Variants in TTC7A observed in about 807,000 individuals in gnomAD.
TTC7A encodes tetratricopeptide repeat protein 7A.
In TTC7A, 110 loss-of-function variants were observed where a neutral mutation model predicts 103.7. That is an observed-to-expected ratio of 1.06 (90% CI 0.91 to 1.24). The LOEUF (loss-of-function observed/expected upper bound fraction) is 1.24, where lower values mean the gene tolerates loss of function less well. Ranked by LOEUF, TTC7A falls within the 50% of genes most tolerant of loss-of-function variation. The pLI is 0.00. For synonymous variants in TTC7A, 521 were observed against 467.9 expected (o/e 1.11, Z -1.47); for missense variants, 1,340 against 1,116.3 (o/e 1.20, Z -2.86).
Position 46,995,151 on chromosome 2 carries a change from G to C in TTC7A, c.1017G>C (p.Lys339Asn). 6.2e-7 allele frequency: 1 copy of C among 1,614,122 alleles called. No individual in the cohort carries two copies. The highest frequency in any genetic ancestry group is 8.5e-7 in the Non-Finnish European group (1 of 1,180,020). Residue 339 changes from lysine to asparagine, a missense_variant, in exon 8 of 20, where the codon AAG becomes AAC. By Grantham distance (94) the Lys-to-Asn change is moderately conservative. Coordinates refer to ENST00000319190, the MANE Select transcript of TTC7A (RefSeq NM_020458.4). ...TGTCTTTCAGCCTCTACTGCCCCAA[G>C]GACAACATCGAGGAAGCCCTCCTGC... Reference protein sequence around the residue: ...LYEGDNLYCPKDNIEEALLLL... With the variant: ...LYEGDNLYCPNDNIEEALLLL...
At chr2:47,069,043 C>G (rs976154818) in intron 19 of TTC7A, among the ~76,000 whole-genome samples, 17 of 152,074 alleles carry the variant, frequency 1.1e-4, no homozygotes, top group Admixed American at 9.8e-4. Flanking sequence ...CTCCCCATCA[C>G]GGGGACTCAC....
At chr2:46,957,984 A>G (rs1340295808) in intron 3 of TTC7A, among the ~76,000 whole-genome samples, 2 of 152,138 alleles carry the variant, frequency 1.3e-5, no homozygotes, top group African/African-American at 4.8e-5. Flanking sequence ...CAGAGAGGAT[A>G]ACTTGCCCAA....
Position 46,941,477 on chromosome 2 carries a change from G to T in TTC7A, c.-65G>T. The T allele has an allele frequency of 1.3e-6, 2 of 1,516,632 alleles. No homozygotes were observed. Among genetic ancestry groups the T allele is most frequent in the East Asian group, 2.7e-5 (1 of 37,512 alleles). The allele number at this position is 1,516,632 out of a possible 1,614,324, so 93.9% of individuals were successfully genotyped here. On this transcript the variant is annotated 5_prime_UTR_variant, in exon 1 of 20. The change creates a new upstream start codon in the 5' untranslated region. Coordinates refer to ENST00000319190, the MANE Select transcript of TTC7A (RefSeq NM_020458.4). This position sits in a 1 kb window ranked among gnomAD's most constrained non-coding sequence, Gnocchi z 4.2. ...CCCGCCCGCGAGTGCGCCCCAGCCA[G>T]GACGCCGCCCCCGGCCGGGTCTCCA...
chr2:46,944,955 C>G (rs183184483), intron 1 of TTC7A, among the ~76,000 whole-genome samples: 25 of 152,276 alleles, frequency 1.6e-4, no homozygotes, highest in African/African-American at 5.8e-4. Context: ...GGCGACATAA[C>G]TGCATTTGAT....
intron 8 of TTC7A, among the ~76,000 whole-genome samples, chr2:47,003,316 A>T (rs1016157667): frequency 6.6e-6 from 1 of 152,014 alleles, no homozygotes; most frequent in Non-Finnish European, 1.5e-5. Context: ...AGGACAGGAG[A>T]GGCCTGACCT....
At chr2:46,949,423 G>A (rs933725190) in intron 1 of TTC7A, among the ~76,000 whole-genome samples, 18 of 152,074 alleles carry the variant, frequency 1.2e-4, no homozygotes, top group African/African-American at 4.1e-4. Context: ...AGTGGAGACA[G>A]AGTTTTGCCA....
At chr2:46,921,253 C>T (rs1465784018) in intron 2 of TTC7A, among the ~76,000 whole-genome samples, 1 of 152,156 alleles carries the variant, frequency 6.6e-6, no homozygotes, top group African/African-American at 2.4e-5. Flanking sequence ...ATAATATGAT[C>T]ATGCACATAG....
chr2:46,921,620 T>TATC (rs1156386689), intron 2 of TTC7A, among the ~76,000 whole-genome samples: 1 of 152,312 alleles, frequency 6.6e-6, no homozygotes, highest in East Asian at 1.9e-4. Context: ...CATTAAACTC[T>TATC]ATCAACAAAA....
chr2:46,981,278 C>G (rs889650872), intron 5 of TTC7A, among the ~76,000 whole-genome samples: 1 of 151,910 alleles, frequency 6.6e-6, no homozygotes, highest in African/African-American at 2.4e-5. Flanking sequence ...AGAGGACACA[C>G]TGCTTGTAGC....
At chr2:46,979,943 C>T (rs376805633) in intron 5 of TTC7A, among the ~76,000 whole-genome samples, 1 of 152,198 alleles carries the variant, frequency 6.6e-6, no homozygotes, top group East Asian at 1.9e-4. Context: ...CGCCCTGCCT[C>T]ACTCAGCCTT....
At chr2:46,965,906 C>T (rs1045289418) in intron 3 of TTC7A, among the ~76,000 whole-genome samples, 1 of 151,954 alleles carries the variant, frequency 6.6e-6, no homozygotes, top group African/African-American at 2.4e-5. Flanking sequence ...AAACCCTTAC[C>T]TAAGAGGTTA....
exon 2 of TTC7A, chr2:46,917,190 GTC>G: frequency 1.4e-6 from 1 of 701,362 alleles, no homozygotes; most frequent in East Asian, 2.7e-5. Flanking sequence ...AAAGAAAAGA[GTC>G]TCCATGGTGC....
chr2:47,015,136 G>T (rs1678501119), intron 11 of TTC7A, among the ~76,000 whole-genome samples: 1 of 152,266 alleles, frequency 6.6e-6, no homozygotes. Flanking sequence ...CTGACTCAGT[G>T]ACGCCAGCAC....
At chr2:46,982,656 C>G (rs1005916454) in intron 5 of TTC7A, among the ~76,000 whole-genome samples, 1 of 152,220 alleles carries the variant, frequency 6.6e-6, no homozygotes, top group Admixed American at 6.5e-5. Context: ...CACCCACCCA[C>G]CCATCCACCA....
chr2:46,966,808 G>A (rs1354375631), intron 3 of TTC7A, among the ~76,000 whole-genome samples: 3 of 134,328 alleles, frequency 2.2e-5, no homozygotes, highest in South Asian at 2.3e-4. Context: ...TTTTTTTTTC[G>A]AAGATAAATT....
chr2:46,995,896 A>C (rs1676129540), intron 8 of TTC7A, among the ~76,000 whole-genome samples: 1 of 152,264 alleles, frequency 6.6e-6, no homozygotes. Context: ...AATATGCAGG[A>C]TGTCCACGCG....
rs766128522 is a variant in TTC7A, at chr2:47,005,971, G to C, written c.1115G>C (p.Arg372Pro). The C allele has an allele frequency of 6.2e-7, 1 of 1,614,074 alleles. No homozygotes were observed. Among genetic ancestry groups the C allele is most frequent in the African/African-American group, 1.3e-5 (1 of 75,020 alleles). Residue 372 changes from arginine (R) to proline (P), a missense_variant, in exon 9 of 20, where the codon CGG becomes CCG. Physicochemically the swap from Arg to Pro is moderately radical, Grantham distance 103. Coordinates refer to ENST00000319190, the MANE Select transcript of TTC7A (RefSeq NM_020458.4). ...LSRVPEQEED[R>P]TVSLQNAAAI... ...CGGGTGCCGGAGCAGGAGGAGGACC[G>C]GACAGTGAGCTTGCAGAATGCCGCA...
intron 5 of TTC7A, among the ~76,000 whole-genome samples, chr2:46,982,007 C>T (rs1558535700): frequency 6.6e-6 from 1 of 152,240 alleles, no homozygotes; most frequent in Non-Finnish European, 1.5e-5. Context: ...GCCCTTTTCT[C>T]TTTCTCTCCA....
At chr2:46,965,600 T>A (rs1456792251) in intron 3 of TTC7A, among the ~76,000 whole-genome samples, 1 of 151,660 alleles carries the variant, frequency 6.6e-6, no homozygotes, top group African/African-American at 2.4e-5. Flanking sequence ...CTCACTCTGT[T>A]GCCCAGGCTG....
Sources: allele counts gnomAD v4.1 joint callset (sites outside exome capture counted in the v4.1 genomes callset), GRCh38; gene constraint gnomAD v4.1.1; non-coding constraint Gnocchi (gnomAD v3.1); transcripts MANE v1.5; gene names NCBI Gene and HGNC (gene_info 2026-07-23, HGNC 2026-07-21).